Variants in USP38 observed in about 807,000 individuals in gnomAD.
USP38 encodes the protein ubiquitin carboxyl-terminal hydrolase 38.
Under a neutral mutation model 94.3 loss-of-function variants are expected in USP38, and 49 were observed. That is an observed-to-expected ratio of 0.52 (90% confidence interval 0.41 to 0.66). USP38 has a LOEUF of 0.66. Among genes scored for constraint, USP38 ranks in the 30% least tolerant of loss-of-function variants. The pLI is 0.00. For synonymous variants in USP38, 468 were observed against 463.6 expected (o/e 1.01, Z -0.12); for missense variants, 1,128 against 1,229.4 (o/e 0.92, Z 1.23).
chr4:143,206,102 A>G lies in USP38; in HGVS notation c.1279A>G (p.Asn427Asp). The change falls in exon 6 of 10, where the codon AAT becomes GAT. Residue 427 changes from asparagine to aspartate, a missense_variant. Physicochemically the swap from Asn to Asp is conservative, Grantham distance 23. Coordinates refer to ENST00000307017, the MANE Select transcript of USP38 (RefSeq NM_032557.6). ...LNQSAWTSQS[N>D]SLASCLSRLS... is the part of the protein sequence containing the mutation. ...TCAAAGTGCCTGGACTTCTCAATCC[A>G]ATTCTTTGGCGTCTTGCTTGTCTAG... 1 of 1,613,750 alleles carries G rather than the reference A, an allele frequency of 6.2e-7. No individual in the cohort carries two copies. Among genetic ancestry groups the G allele is most frequent in the Non-Finnish European group, 8.5e-7 (1 of 1,179,862 alleles).
At chr4:143,204,107 G>A (rs1731794016) in intron 5 of USP38, among the ~76,000 whole-genome samples, 1 of 151,688 alleles carries the variant, frequency 6.6e-6, no homozygotes. Flanking sequence ...TCAGCCTCCT[G>A]AATAGCTGGG....
In USP38 at chr4:143,184,987, C is replaced by T. The variant is rs534937287; in HGVS notation, c.-464C>T. On this transcript the variant is annotated 5_prime_UTR_variant, in exon 1 of 10. Coordinates refer to ENST00000307017, the MANE Select transcript of USP38 (RefSeq NM_032557.6). ...CGGCTGATCCCAGCACTCTCCGTGA[C>T]AGCGCCTCCTGACTCAGCCCAGGAC... 35 of 157,070 alleles carry T rather than the reference C, an allele frequency of 2.2e-4. No individual in the cohort carries two copies. In the South Asian group the frequency reaches 6.4e-3, roughly 29 times the overall value. The allele number at this position is 157,070 out of a possible 1,614,324, so 9.7% of individuals were successfully genotyped here. A position where few individuals can be genotyped will look rare whatever the true frequency, so the allele number is the denominator to read the frequency against.
chr4:143,185,887 G>T lies in USP38; in HGVS notation c.437G>T (p.Arg146Leu). 1 of 1,614,190 alleles carries T rather than the reference G, an allele frequency of 6.2e-7. No individual in the cohort carries two copies. Among genetic ancestry groups the T allele is most frequent in the Non-Finnish European group, 8.5e-7 (1 of 1,180,042 alleles). The part of the protein sequence containing the change: ...CERPEPQLCA[R>L]LSDLLTDFVQ... ...AGGCCGGAGCCGCAGCTCTGTGCCC[G>T]ACTGAGCGACCTTCTGACCGACTTT... is the stretch of plus-strand genomic sequence containing the variant. The change falls in exon 1 of 10, where the codon CGA becomes CTA. Residue 146 changes from arginine (R) to leucine (L), a missense_variant. Coordinates refer to ENST00000307017, the MANE Select transcript of USP38 (RefSeq NM_032557.6).
chr4:143,185,755 C>T lies in USP38; in HGVS notation c.305C>T (p.Ala102Val). The part of the protein sequence containing the change: ...GYHSLDRKDV[A>V]ILDYIHNGLK... ...CACTCTCTGGACAGGAAGGATGTAG[C>T]CATCCTGGACTACATTCACAACGGC... Residue 102 changes from alanine to valine, a missense_variant, in exon 1 of 10, where the codon GCC (alanine) becomes GTC (valine). By Grantham distance (64) the Ala-to-Val change is moderately conservative (BLOSUM62 0). Transcript: ENST00000307017. The T allele has an allele frequency of 6.2e-7, 1 of 1,614,174 alleles. No homozygotes were observed. The highest frequency in any genetic ancestry group is 2.2e-5 in the East Asian group (1 of 44,868).
chr4:143,213,981 T>C lies in USP38; in HGVS notation c.2005T>C (p.Cys669Arg), dbSNP rs201213489. The C allele has an allele frequency of 5.0e-6, 8 of 1,613,494 alleles. No individual in the cohort carries two copies. The highest frequency in any genetic ancestry group is 5.1e-6 in the Non-Finnish European group (6 of 1,179,822). Residue 669 changes from cysteine (C) to arginine (R), a missense_variant, in exon 9 of 10, where the codon TGT becomes CGT. Transcript: ENST00000307017. ...TAATCCAACAACAGCTGCCTTCATC[T>C]GTGACTCACTTGTGAATGAAAAAAC... ...VYNPTTAAFI[C>R]DSLVNEKTIG...
At chr4:143,207,501 G>T (rs1172875954) in intron 6 of USP38, among the ~76,000 whole-genome samples, 1 of 152,158 alleles carries the variant, frequency 6.6e-6, no homozygotes, top group African/African-American at 2.4e-5. Flanking sequence ...TTGTGCCACT[G>T]CACTCCAGCC....
At position 143,206,065 on chromosome 4, in the gene USP38, G is replaced by C; in HGVS notation, c.1242G>C (p.Lys414Asn). The C allele has an allele frequency of 5.0e-6, 8 of 1,611,648 alleles. No individual in the cohort carries two copies. The highest frequency in any genetic ancestry group is 6.8e-6 in the Non-Finnish European group (8 of 1,179,084). Residue 414 changes from lysine to asparagine, a missense_variant, in exon 6 of 10, where the codon AAG becomes AAC. Transcript: ENST00000307017. ...CTAAGCCCAGTGAAGAGAAGATTAA[G>C]TTAATTCTCAATCAAAGTGCCTGGA... ...DFPKPSEEKI[K>N]LILNQSAWTS...
intron 3 of USP38, among the ~76,000 whole-genome samples, chr4:143,196,432 A>G (rs1731551196): frequency 6.6e-6 from 1 of 152,224 alleles, no homozygotes; most frequent in Non-Finnish European, 1.5e-5. Context: ...CAAAATTACC[A>G]GTGGTTTCCA....
Position 143,206,086 on chromosome 4 carries a change from C to T in USP38, c.1263C>T (p.Ala421=), listed in dbSNP as rs752091545. Residue 421 remains alanine, a synonymous_variant, in exon 6 of 10, where the codon GCC becomes GCT. Transcript: ENST00000307017. ...TTAAGTTAATTCTCAATCAAAGTGCCTGGACTTCTCAATCCAATTCTTTGG... is the reference window on the plus strand; with the variant it reads ...TTAAGTTAATTCTCAATCAAAGTGCTTGGACTTCTCAATCCAATTCTTTGG... ...EKIKLILNQS[A]WTSQSNSLAS... is the part of the protein sequence containing the mutation. The T allele has an allele frequency of 1.2e-6, 2 of 1,613,458 alleles. No individual in the cohort carries two copies. Among genetic ancestry groups the T allele is most frequent in the South Asian group, 1.1e-5 (1 of 90,952 alleles).
At chr4:143,209,761 G>T in intron 7 of USP38, 104 bp downstream of exon 7, 1 of 653,918 alleles carries the variant, frequency 1.5e-6, no homozygotes, top group East Asian at 3.2e-5. Context: ...TAATATAATA[G>T]ATATCTCACC....
rs1331655700 is a variant in USP38, at chr4:143,213,764, T to G, written c.1788T>G (p.Thr596=). 2 of 1,613,790 alleles carry G rather than the reference T, an allele frequency of 1.2e-6. No homozygotes were observed. The highest frequency in any genetic ancestry group is 2.2e-5 in the South Asian group (2 of 91,082). The change falls in exon 9 of 10, where the codon ACT becomes ACG. Residue 596 remains threonine (T), a synonymous_variant. Transcript: ENST00000307017. The stretch of plus-strand genomic sequence containing the variant: ...AAATGTTTGGAGGAAAACTACGAAC[T>G]CACATACGTTGTTTGAACTGCAGGA... ...IEKMFGGKLR[T]HIRCLNCRST... is the part of the protein sequence containing the mutation.
intron 7 of USP38, 81 bp downstream of exon 7, chr4:143,209,738 T>C (rs969375038): frequency 7.5e-6 from 6 of 796,118 alleles, no homozygotes; most frequent in Non-Finnish European, 5.9e-6. Flanking sequence ...CCTAACCTTT[T>C]TAACTGATGA....
intron 4 of USP38, among the ~76,000 whole-genome samples, chr4:143,200,130 T>A (rs1731670346): frequency 6.6e-6 from 1 of 152,118 alleles, no homozygotes; most frequent in African/African-American, 2.4e-5. Flanking sequence ...CTTGATGTAA[T>A]GAACATCGAT....
intron 7 of USP38, among the ~76,000 whole-genome samples, chr4:143,211,827 G>A (rs1338585573): frequency 6.6e-6 from 1 of 152,138 alleles, no homozygotes; most frequent in Admixed American, 6.5e-5. Flanking sequence ...GCACATATAT[G>A]ACATGTATCT....
Position 143,220,304 on chromosome 4 carries a change from T to A in USP38, c.2977T>A (p.Leu993Met). 6.2e-7 allele frequency: 1 copy of A among 1,608,964 alleles called. No individual in the cohort carries two copies. The highest frequency in any genetic ancestry group is 8.5e-7 in the Non-Finnish European group (1 of 1,178,022). Residue 993 changes from leucine to methionine, a missense_variant, in exon 10 of 10, where the codon TTG (leucine) becomes ATG (methionine). Coordinates refer to ENST00000307017, the MANE Select transcript of USP38 (RefSeq NM_032557.6). Reference protein sequence around the residue: ...DNKLYLQEQELNARARALQAA... With the variant: ...DNKLYLQEQEMNARARALQAA... ...TTATTTTTAATTTTAGGAACAAGAG[T>A]TGAATGCTCGAGCCCGGGCCCTCCA...
rs905963715 is a variant in USP38, at chr4:143,213,623, C to G, written c.1647C>G (p.His549Gln). ...EEKILKVQAS[H>Q]KPSEILECSE... ...AGATCTTGAAAGTTCAGGCCTCACA[C>G]AAGCCTTCTGAAATTCTGGAATGCA... is the stretch of plus-strand genomic sequence containing the variant. The change falls in exon 9 of 10, where the codon CAC (histidine) becomes CAG (glutamine). Residue 549 changes from histidine to glutamine, a missense_variant. Physicochemically the swap from His to Gln is conservative, Grantham distance 24. Transcript: ENST00000307017. The G allele has an allele frequency of 5.6e-6, 9 of 1,612,860 alleles. No individual in the cohort carries two copies. The Admixed American group carries it at 1.5e-4, about 27-fold the overall frequency.
Position 143,214,459 on chromosome 4 carries a change from G to A in USP38, c.2483G>A (p.Gly828Glu), listed in dbSNP as rs772464317. 2 of 1,613,420 alleles carry A rather than the reference G, an allele frequency of 1.2e-6. No individual in the cohort carries two copies. Among genetic ancestry groups the A allele is most frequent in the South Asian group, 2.2e-5 (2 of 91,022 alleles). ...CTTGCTAAAAAATTAAAGCCTTCAGGGACTGATGAAGCTTCCTGCACAAAA... is the reference window on the plus strand; with the variant it reads ...CTTGCTAAAAAATTAAAGCCTTCAGAGACTGATGAAGCTTCCTGCACAAAA... ...ENLAKKLKPS[G>E]TDEASCTKLV... is the part of the protein sequence containing the mutation. Residue 828 changes from glycine (G) to glutamate (E), a missense_variant, in exon 9 of 10, where the codon GGG becomes GAG. By Grantham distance (98) the Gly-to-Glu change is moderately conservative (BLOSUM62 -2). Transcript: ENST00000307017.
chr4:143,220,969 T>C lies in USP38; in HGVS notation c.*513T>C, dbSNP rs931077147. 1 of 152,406 alleles carries C rather than the reference T, an allele frequency of 6.6e-6. No homozygotes were observed. Among genetic ancestry groups the C allele is most frequent in the African/African-American group, 2.4e-5 (1 of 41,450 alleles). 9.4% of individuals were successfully genotyped at this position (152,406 alleles called of 1,614,324 possible). A position where few individuals can be genotyped will look rare whatever the true frequency, so the allele number is the denominator to read the frequency against. ...GGCAATAACAAAATTTATCAAGATA[T>C]AGTACTTTTCAGTTTTTGTTTAGTG... On this transcript the variant is annotated 3_prime_UTR_variant, in exon 10 of 10. Coordinates refer to ENST00000307017, the MANE Select transcript of USP38 (RefSeq NM_032557.6).
chr4:143,197,726 A>G (rs1731592610), intron 3 of USP38, 97 bp from the exon 4 acceptor site: 4 of 772,280 alleles, frequency 5.2e-6, no homozygotes, highest in African/African-American at 1.7e-5. Flanking sequence ...GAAGGGGGAC[A>G]TTCATATAAA....
Sources: allele counts gnomAD v4.1 joint callset (sites outside exome capture counted in the v4.1 genomes callset), GRCh38; gene constraint gnomAD v4.1.1; transcripts MANE v1.5; gene names NCBI Gene and HGNC (gene_info 2026-07-23, HGNC 2026-07-21).